Variants in GRID2 observed in about 807,000 individuals in gnomAD.
The protein encoded by GRID2 is glutamate ionotropic receptor delta type subunit 2, also known as glutamate receptor ionotropic, delta-2.
A neutral mutation model predicts 114.8 loss-of-function variants in GRID2; 33 were observed. The observed-to-expected ratio is 0.29, with a 90% CI of 0.22 to 0.38. The LOEUF (loss-of-function observed/expected upper bound fraction) is 0.38, where lower values mean the gene tolerates loss of function less well. GRID2 is among the 10% of genes least tolerant of loss of function. The probability of loss-of-function intolerance (pLI) is 1.00; values close to 1 mark genes in which losing one functional copy is unlikely to be tolerated. For missense variants in GRID2, 1,184 were observed against 1,257.7 expected, an observed-to-expected ratio of 0.94 and a Z score of 0.89; for synonymous variants, 505 against 449.9, an observed-to-expected ratio of 1.12 and a Z score of -1.55.
chr4:93,656,746 C>T (rs150099448), intron 14 of GRID2, among the ~76,000 whole-genome samples: 2 of 125,016 alleles, frequency 1.6e-5, no homozygotes, highest in African/African-American at 5.6e-5. Context: ...AGGAGAATGC[C>T]GTGAACCCGG....
intron 1 of GRID2, among the ~76,000 whole-genome samples, chr4:92,514,025 G>A (rs950659581): frequency 2.0e-5 from 3 of 151,818 alleles, no homozygotes; most frequent in African/African-American, 7.2e-5. Flanking sequence ...CTTTGGAACT[G>A]TGGGACATGG....
chr4:93,102,279 A>G (rs1280024831), intron 3 of GRID2, among the ~76,000 whole-genome samples: 1 of 152,210 alleles, frequency 6.6e-6, no homozygotes, highest in Non-Finnish European at 1.5e-5. Context: ...CTGATTATCC[A>G]TATTTCACAT....
Position 92,874,473 on chromosome 4 carries a change from A to G in GRID2, c.245-210522A>G, listed in dbSNP as rs144399561. Among the ~76,000 whole-genome samples, 1,108 of 152,314 alleles carry G rather than the reference A, an allele frequency of 7.3e-3. 49 individuals are homozygous for G. Among genetic ancestry groups the G allele is most frequent in the Admixed American group, 0.064 (980 of 15,288 alleles). ...AATGTCATACCTCCATCTAATTAAT[A>G]GTGATAAGCAGTTAAGAAAAAATAA... On this transcript the variant is annotated intron_variant, in intron 2 of 15. Transcript: ENST00000282020.
chr4:92,597,900 G>T (rs1219450965), intron 2 of GRID2, among the ~76,000 whole-genome samples: 2 of 152,126 alleles, frequency 1.3e-5, no homozygotes, highest in East Asian at 3.9e-4. Flanking sequence ...AACCAATGAT[G>T]ACTTCAGTAT....
intron 1 of GRID2, among the ~76,000 whole-genome samples, chr4:92,424,731 G>GAA (rs1269600751): frequency 9.4e-5 from 13 of 138,646 alleles, no homozygotes; most frequent in African/African-American, 3.2e-4. Flanking sequence ...CTTTTGAACT[G>GAA]AAAAAAAAAA....
chr4:93,189,881 GTA>G (rs1740818666), intron 4 of GRID2, among the ~76,000 whole-genome samples: 1 of 150,670 alleles, frequency 6.6e-6, no homozygotes, highest in South Asian at 2.1e-4. Flanking sequence ...CCAAAAGTGT[GTA>G]TAAAAAACCT....
intron 13 of GRID2, among the ~76,000 whole-genome samples, chr4:93,518,381 T>C (rs544712957): frequency 1.3e-5 from 2 of 152,062 alleles, no homozygotes; most frequent in Non-Finnish European, 2.9e-5. Context: ...CTAGACAAAT[T>C]TTTTTTTCTG....
intron 8 of GRID2, among the ~76,000 whole-genome samples, chr4:93,268,345 A>T (rs891710523): frequency 3.9e-5 from 6 of 152,152 alleles, no homozygotes; most frequent in Non-Finnish European, 8.8e-5. Context: ...TCTTATAGGG[A>T]CACCAATCCT....
intron 4 of GRID2, among the ~76,000 whole-genome samples, chr4:93,124,118 A>G (rs989926578): frequency 2.4e-4 from 12 of 49,786 alleles, no homozygotes; most frequent in African/African-American, 7.3e-4. Flanking sequence ...AAAAAAAAAG[A>G]AAAAAAAAAA....
intron 2 of GRID2, among the ~76,000 whole-genome samples, chr4:92,739,587 T>C (rs528656243): frequency 3.3e-5 from 5 of 152,228 alleles, no homozygotes; most frequent in African/African-American, 1.2e-4. Context: ...CAGTGAAGTG[T>C]TTTGGTGGAA....
intron 2 of GRID2, among the ~76,000 whole-genome samples, chr4:92,605,391 A>T (rs1005889665): frequency 3.3e-5 from 5 of 151,990 alleles, no homozygotes; most frequent in Non-Finnish European, 2.9e-5. Flanking sequence ...CAGATGAGTT[A>T]GACTAATTTA....
chr4:92,664,402 T>C (rs1258865895), intron 2 of GRID2, among the ~76,000 whole-genome samples: 2 of 151,172 alleles, frequency 1.3e-5, no homozygotes, highest in African/African-American at 4.8e-5. Flanking sequence ...TCTTCTATTA[T>C]CGATTTCTAA....
chr4:92,869,110 T>G (rs1402742416), intron 2 of GRID2, among the ~76,000 whole-genome samples: 1 of 152,194 alleles, frequency 6.6e-6, no homozygotes, highest in Non-Finnish European at 1.5e-5. Flanking sequence ...CTTTCTCTCT[T>G]TCTTTTTGTA....
At chr4:92,478,893 A>C (rs1204226028) in intron 1 of GRID2, among the ~76,000 whole-genome samples, 1 of 152,050 alleles carries the variant, frequency 6.6e-6, no homozygotes, top group East Asian at 1.9e-4. Flanking sequence ...CACTCACAGC[A>C]ATTCTTTGCG....
At chr4:92,970,190 G>C (rs1753412526) in intron 2 of GRID2, among the ~76,000 whole-genome samples, 1 of 151,804 alleles carries the variant, frequency 6.6e-6, no homozygotes, top group Non-Finnish European at 1.5e-5. Flanking sequence ...GATGTGGTAG[G>C]AGCTCAGATT....
intron 1 of GRID2, among the ~76,000 whole-genome samples, chr4:92,424,248 AAG>A (rs768769607): frequency 6.6e-6 from 1 of 152,114 alleles, no homozygotes; most frequent in Non-Finnish European, 1.5e-5. Context: ...TTGCAAAGGA[AAG>A]AGTTATTCTT....
chr4:92,767,730 G>A (rs1347601640), intron 2 of GRID2, among the ~76,000 whole-genome samples: 1 of 151,780 alleles, frequency 6.6e-6, no homozygotes, highest in Admixed American at 6.6e-5. Flanking sequence ...CAGTCTGGGC[G>A]ACAGAGACTA....
In GRID2 at chr4:93,224,594, A is replaced by G. The variant is rs1014686370; in HGVS notation, c.964-20A>G. On this transcript the variant is annotated intron_variant, in intron 6 of 15. Coordinates refer to ENST00000282020, the MANE Select transcript of GRID2 (RefSeq NM_001510.4). ...ACTGGTGTCAATGATTCTAATGATCACTTTCTAATGTCTTTTCAGATTTCC... is the reference window on the plus strand; with the variant it reads ...ACTGGTGTCAATGATTCTAATGATCGCTTTCTAATGTCTTTTCAGATTTCC... The G allele has an allele frequency of 1.3e-6, 2 of 1,540,948 alleles. No individual in the cohort carries two copies. Among genetic ancestry groups the G allele is most frequent in the African/African-American group, 1.4e-5 (1 of 73,116 alleles).
chr4:92,755,391 G>A (rs1055625716), intron 2 of GRID2, among the ~76,000 whole-genome samples: 2 of 152,110 alleles, frequency 1.3e-5, no homozygotes, highest in Non-Finnish European at 2.9e-5. Flanking sequence ...AATTCATGAA[G>A]ATAATTTCCT....
Sources: gnomAD v4.1 joint callset for allele counts (sites outside exome capture counted in the v4.1 genomes callset) on GRCh38, gnomAD v4.1.1 for gene constraint, MANE v1.5 for transcripts, NCBI Gene and HGNC (gene_info 2026-07-23, HGNC 2026-07-21) for gene names.